The following FARP1 variants were observed in gnomAD, a reference collection of about 807,000 sequenced individuals.
The protein encoded by FARP1 is FERM, ARH/RhoGEF and pleckstrin domain protein 1, also known as FERM, ARHGEF and pleckstrin domain-containing protein 1.
In FARP1, 52 loss-of-function variants were observed where a neutral mutation model predicts 128.8. That is an observed-to-expected ratio of 0.40 (90% CI 0.32 to 0.51). FARP1 has a LOEUF of 0.51. Among genes scored for constraint, FARP1 ranks in the 20% least tolerant of loss-of-function variants. The probability of loss-of-function intolerance (pLI) is 0.45; values close to 1 mark genes in which losing one functional copy is unlikely to be tolerated. For synonymous variants in FARP1, 580 were observed against 551.8 expected (o/e 1.05, Z -0.72); for missense variants, 1,333 against 1,367.9 (o/e 0.97, Z 0.40).
chr13:98,347,395 C>T (rs1318659290), intron 3 of FARP1, among the ~76,000 whole-genome samples: 1 of 152,158 alleles, frequency 6.6e-6, no homozygotes, highest in Non-Finnish European at 1.5e-5. Context: ...ACTCTACACC[C>T]ACTGAAGAAC....
chr13:98,408,483 T>C (rs1452432887), intron 13 of FARP1, among the ~76,000 whole-genome samples: 1 of 127,318 alleles, frequency 7.9e-6, no homozygotes, highest in Admixed American at 7.7e-5. Context: ...CCCGCCACCA[T>C]GCCCAGCTAA....
rs919092620 is a variant in FARP1, at chr13:98,387,337, C to T, written c.760-1046C>T. On this transcript the variant is annotated intron_variant, in intron 8 of 26. Coordinates refer to ENST00000319562, the MANE Select transcript of FARP1 (RefSeq NM_005766.4). Reference sequence around the variant, plus strand: ...ATAAAGCCAAGTGGAGTTTTGAGTACTATCATTAAATTTCAAATCACAATC... The same window carrying T: ...ATAAAGCCAAGTGGAGTTTTGAGTATTATCATTAAATTTCAAATCACAATC... 3.9e-5 allele frequency among the ~76,000 whole-genome samples: 6 copies of T among 152,172 alleles called. 1 individual carries two copies. Among genetic ancestry groups the T allele is most frequent in the Admixed American group, 6.5e-5 (1 of 15,284 alleles).
At chr13:98,263,923 C>T (rs1883989924) in intron 2 of FARP1, among the ~76,000 whole-genome samples, 1 of 152,162 alleles carries the variant, frequency 6.6e-6, no homozygotes, top group Non-Finnish European at 1.5e-5. Flanking sequence ...TTGTTATAAC[C>T]GTTGGAGCAT....
chr13:98,439,260 G>C, intron 21 of FARP1, 64 bp downstream of exon 21: 1 of 1,152,878 alleles, frequency 8.7e-7, no homozygotes, highest in Non-Finnish European at 1.3e-6. Flanking sequence ...GGGCGCTGCT[G>C]ACCCGGCGAT....
At chr13:98,309,369 C>T (rs535688355) in intron 2 of FARP1, among the ~76,000 whole-genome samples, 1 of 150,616 alleles carries the variant, frequency 6.6e-6, no homozygotes, top group Non-Finnish European at 1.5e-5. Context: ...CGGGGTTTCA[C>T]CGTGTTAGCC....
intron 2 of FARP1, among the ~76,000 whole-genome samples, chr13:98,257,184 A>C (rs1883657292): frequency 6.6e-6 from 1 of 151,946 alleles, no homozygotes; most frequent in Non-Finnish European, 1.5e-5. Context: ...AATCAACTTA[A>C]CTCAAGCATT....
At chr13:98,161,316 A>G (rs1876868240) in intron 1 of FARP1, among the ~76,000 whole-genome samples, 1 of 151,206 alleles carries the variant, frequency 6.6e-6, no homozygotes, top group African/African-American at 2.4e-5. Context: ...CCTGGGTTCA[A>G]GCGATTCTCC....
At position 98,379,156 on chromosome 13, in the gene FARP1, A is replaced by C. The variant is rs868181562; in HGVS notation, c.496+1238A>C. 1.2e-4 allele frequency among the ~76,000 whole-genome samples: 14 copies of C among 113,224 alleles called. 4 individuals are homozygous for C. Among genetic ancestry groups the C allele is most frequent in the African/African-American group, 5.3e-4 (14 of 26,390 alleles). 74.3% of individuals were successfully genotyped at this position (113,224 alleles called of 152,430 possible). On this transcript the variant is annotated intron_variant, in intron 6 of 26. Transcript: ENST00000319562. ...ATAATATATAATCTATATATAATAT[A>C]TATATAATATATAATCTATATATAA...
rs1234582061 is a variant in FARP1, at chr13:98,455,035, T to C, written c.*6718T>C. 6.6e-6 allele frequency: 1 copy of C among 152,172 alleles called. No individual in the cohort carries two copies. The highest frequency in any genetic ancestry group is 1.5e-5 in the Non-Finnish European group (1 of 68,050). 9.4% of individuals were successfully genotyped at this position (152,172 alleles called of 1,614,324 possible). A position where few individuals can be genotyped will look rare whatever the true frequency, so the allele number is the denominator to read the frequency against. ...CACGATGCCCAGTGAGCACGTAAAA[T>C]GTGCTGCGTCTGAATGGAGATGTGC... On this transcript the variant is annotated 3_prime_UTR_variant, in exon 27 of 27. Coordinates refer to ENST00000319562, the MANE Select transcript of FARP1 (RefSeq NM_005766.4).
chr13:98,437,751 T>C (rs1265494722), intron 19 of FARP1: 10 of 1,307,442 alleles, frequency 7.6e-6, no homozygotes, highest in Non-Finnish European at 9.8e-6. Flanking sequence ...TTTTGCTTTC[T>C]CTCGGTCCCA....
intron 12 of FARP1, among the ~76,000 whole-genome samples, chr13:98,394,806 C>T (rs1333400418): frequency 4.6e-5 from 7 of 152,058 alleles, no homozygotes; most frequent in Non-Finnish European, 7.4e-5. Flanking sequence ...GACATGGTGG[C>T]GCAGGACTGT....
At chr13:98,181,386 C>T (rs1878500488) in intron 1 of FARP1, among the ~76,000 whole-genome samples, 2 of 152,062 alleles carry the variant, frequency 1.3e-5, no homozygotes, top group Non-Finnish European at 2.9e-5. Context: ...AGTGAATAGA[C>T]TTAAGTTTAG....
intron 3 of FARP1, among the ~76,000 whole-genome samples, chr13:98,359,871 G>T (rs922722553): frequency 5.3e-5 from 8 of 152,180 alleles, no homozygotes; most frequent in African/African-American, 1.9e-4. Flanking sequence ...TGTTCCAAAC[G>T]GGGAAGGTAG....
intron 1 of FARP1, among the ~76,000 whole-genome samples, chr13:98,153,425 C>CACATTATATATATGTATAATATATAAT (rs1876208087): frequency 9.9e-6 from 1 of 100,700 alleles, no homozygotes; most frequent in Non-Finnish European, 2.1e-5. Flanking sequence ...TAATATGTAA[C>CACATTATATATATGTATAATATATAAT]ACATTATATA....
At chr13:98,180,222 G>A (rs1445788413) in intron 1 of FARP1, among the ~76,000 whole-genome samples, 1 of 152,148 alleles carries the variant, frequency 6.6e-6, no homozygotes, top group African/African-American at 2.4e-5. Context: ...ACTTCCAGTT[G>A]ATCACAGTGG....
intron 1 of FARP1, among the ~76,000 whole-genome samples, chr13:98,207,908 CCACA>C (rs71111934): frequency 0.057 from 4,078 of 71,352 alleles, 80 homozygotes; most frequent in Non-Finnish European, 0.066. Flanking sequence ...ACCACCACCT[CCACA>C]CACACACACA....
At chr13:98,201,339 G>T (rs1440307383) in intron 1 of FARP1, among the ~76,000 whole-genome samples, 2 of 152,238 alleles carry the variant, frequency 1.3e-5, no homozygotes, top group Non-Finnish European at 2.9e-5. Context: ...TATTCAGGAG[G>T]CTGAACGGGG....
At chr13:98,370,407 G>A (rs183234530) in intron 5 of FARP1, among the ~76,000 whole-genome samples, 18 of 152,210 alleles carry the variant, frequency 1.2e-4, no homozygotes, top group African/African-American at 3.4e-4. Flanking sequence ...GTGAGGAGGC[G>A]GTCACATGGT....
At chr13:98,282,915 A>T (rs751852948) in intron 2 of FARP1, among the ~76,000 whole-genome samples, 5 of 152,196 alleles carry the variant, frequency 3.3e-5, no homozygotes, top group African/African-American at 9.6e-5. Context: ...AAAATAAAAA[A>T]AAATAAAAAA....
Sources: allele counts gnomAD v4.1 joint callset (sites outside exome capture counted in the v4.1 genomes callset), GRCh38; gene constraint gnomAD v4.1.1; transcripts MANE v1.5; gene names NCBI Gene and HGNC (gene_info 2026-07-23, HGNC 2026-07-21).